The following C3 variants were observed in gnomAD, a reference collection of about 807,000 sequenced individuals.
The protein encoded by C3 is C3 and PZP-like alpha-2-macroglobulin domain-containing protein 1.
C3 carries 97 observed loss-of-function variants against 207.9 expected under a neutral mutation model. That is an observed-to-expected ratio of 0.47 (90% CI 0.40 to 0.55). The LOEUF (loss-of-function observed/expected upper bound fraction) is 0.55, where lower values mean the gene tolerates loss of function less well. Ranked by LOEUF, C3 falls within the 20% of genes least tolerant of loss-of-function variation. The pLI is 0.00. For missense variants in C3, 1,684 were observed against 2,171.7 expected, an observed-to-expected ratio of 0.78 and a Z score of 4.46; for synonymous variants, 848 against 857.6, an observed-to-expected ratio of 0.99 and a Z score of 0.20.
intron 23 of C3, 137 bp from the exon 24 acceptor site, chr19:6,694,771 G>T: frequency 1.4e-6 from 1 of 735,314 alleles, no homozygotes; most frequent in South Asian, 1.8e-5. Context: ...GGATGTGACT[G>T]CGGGGAGGGG....
intron 27 of C3, among the ~76,000 whole-genome samples, chr19:6,688,588 C>T (rs984080425): frequency 1.3e-5 from 2 of 151,484 alleles, no homozygotes; most frequent in East Asian, 1.9e-4. Flanking sequence ...GGCGCAATCT[C>T]GGCTCACTGC....
At position 6,686,283 on chromosome 19, in the gene C3, C is replaced by G. The variant is rs1335776422; in HGVS notation, c.3651G>C (p.Lys1217Asn). 2 of 1,613,990 alleles carry G rather than the reference C, an allele frequency of 1.2e-6. No individual in the cohort carries two copies. Among genetic ancestry groups the G allele is most frequent in the Non-Finnish European group, 1.7e-6 (2 of 1,180,032 alleles). ...LNKFLTTAKD[K>N]NRWEDPGKQL... ...GCTTACCAGGGTCCTCCCAGCGGTT[C>G]TTATCTGCAAAGAAGATACCCCATC... Residue 1217 changes from lysine (K) to asparagine (N), a missense_variant, in exon 29 of 41, where the codon AAG (lysine) becomes AAC (asparagine). Lys to Asn is a moderately conservative substitution (Grantham distance 94). This residue lies in a region of C3 where 1,280 missense variants were observed against 1,739.1 expected (regional missense o/e 0.74). Transcript: ENST00000245907.
At position 6,708,207 on chromosome 19, in the gene C3, G is replaced by A. The variant is rs1012657933; in HGVS notation, c.1846-278C>T. On this transcript the variant is annotated intron_variant, in intron 14 of 40. Coordinates refer to ENST00000245907, the MANE Select transcript of C3 (RefSeq NM_000064.4). ...GCTGGAGTGCAGTGGTGTGATCTCC[G>A]CTCACTGTAACCTCCAACTCCCAGG... Among the ~76,000 whole-genome samples, 6 of 151,850 alleles carry A rather than the reference G, an allele frequency of 4.0e-5. No homozygotes were observed. The East Asian group carries it at 7.8e-4, about 20-fold the overall frequency.
Position 6,686,734 on chromosome 19 carries a change from G to A in C3, c.3646+12C>T. The A allele has an allele frequency of 6.2e-7, 1 of 1,612,888 alleles. No homozygotes were observed. ...CATGCATCTCCCTTCACCCCTCCAG[G>A]CCAACCCTCACCTTTGGCTGTGGTC... On this transcript the variant is annotated intron_variant, in intron 28 of 40. Coordinates refer to ENST00000245907, the MANE Select transcript of C3 (RefSeq NM_000064.4).
chr19:6,691,989 A>AACACACACACAC (rs57940862), intron 26 of C3, among the ~76,000 whole-genome samples: 2 of 136,846 alleles, frequency 1.5e-5, no homozygotes, highest in African/African-American at 2.8e-5. Flanking sequence ...CTCCATCTCA[A>AACACACACACAC]ACACACACAC....
In C3 at chr19:6,697,010, C is replaced by T. The variant is rs536717826; in HGVS notation, c.2796+334G>A. 2.4e-4 allele frequency among the ~76,000 whole-genome samples: 34 copies of T among 141,564 alleles called. 2 individuals carry two copies. The South Asian group carries it at 6.9e-3, about 29-fold the overall frequency. 92.9% of individuals were successfully genotyped at this position (141,564 alleles called of 152,430 possible). On this transcript the variant is annotated intron_variant, in intron 21 of 40. Transcript: ENST00000245907. ...TGAGCTGAGATCGCGCCACTGCACT[C>T]CAGCCTGGGGAACAGAGTGAGACTC...
intron 14 of C3, 72 bp downstream of exon 14, chr19:6,709,612 C>A (rs1407219851): frequency 1.5e-4 from 90 of 613,946 alleles, no homozygotes; most frequent in East Asian, 3.0e-4. Context: ...CCTCTCCAGT[C>A]CCACCCACCT....
At chr19:6,717,981 C>G in intron 4 of C3, 113 bp downstream of exon 4, 4 of 1,002,638 alleles carry the variant, frequency 4.0e-6, no homozygotes, top group Non-Finnish European at 6.4e-6. Context: ...CTCTTTGCCT[C>G]TGTGTCTCTG....
intron 4 of C3, among the ~76,000 whole-genome samples, chr19:6,715,787 A>G (rs1968020930): frequency 7.0e-6 from 1 of 143,758 alleles, no homozygotes; most frequent in Admixed American, 6.8e-5. Flanking sequence ...ACGCCCAGCT[A>G]ATTTTTTTTT....
At chr19:6,680,337 A>G in intron 35 of C3, 74 bp from the exon 36 acceptor site, 1 of 814,128 alleles carries the variant, frequency 1.2e-6, no homozygotes, top group Non-Finnish European at 2.2e-6. Context: ...GAGCTGAGGC[A>G]GTGGTGGAGA....
rs1404843499 is a variant in C3 at position 6,679,159 on chromosome 19, C to T, written c.4596G>A (p.Arg1532=). ...CTCCTGGCTCACAGGCCTTGTCCAG[C>T]CGTTCTTCCAGGGTGACCTTGTCAT... ...KSDDKVTLEE[R]LDKACEPGVD... The change falls in exon 38 of 41, where the codon CGG becomes CGA. Residue 1532 remains arginine, a synonymous_variant. Coordinates refer to ENST00000245907, the MANE Select transcript of C3 (RefSeq NM_000064.4). 6.2e-7 allele frequency: 1 copy of T among 1,614,224 alleles called. No homozygotes were observed. Among genetic ancestry groups the T allele is most frequent in the African/African-American group, 1.3e-5 (1 of 75,052 alleles).
At position 6,709,738 on chromosome 19, in the gene C3, G is replaced by A. The variant is rs554851413; in HGVS notation, c.1791C>T (p.Ala597=). The A allele has an allele frequency of 8.1e-6, 13 of 1,613,682 alleles. No individual in the cohort carries two copies. Among genetic ancestry groups the A allele is most frequent in the South Asian group, 4.4e-5 (4 of 91,074 alleles). The change falls in exon 14 of 41, where the codon GCC becomes GCT. Residue 597 remains alanine (A), a synonymous_variant. Transcript: ENST00000245907. Reference sequence around the variant, plus strand: ...TCAGCACGAACACGCCCTTGTCCACGGCCACCAGTACCACCCGGGCCCCGT... The same window carrying A: ...TCAGCACGAACACGCCCTTGTCCACAGCCACCAGTACCACCCGGGCCCCGT... ...GDHGARVVLV[A]VDKGVFVLNK... is the part of the protein sequence containing the mutation.
In C3 at chr19:6,697,544, G is replaced by A; in HGVS notation, c.2596C>T (p.Leu866=). ...QNQELKVRVE[L]LHNPAFCSLA... ...CTGCAGAAGGCTGGATTGTGGAGTAGTTCCACCCTCACCTGCCAGGGAGAG... is the reference window on the plus strand; with the variant it reads ...CTGCAGAAGGCTGGATTGTGGAGTAATTCCACCCTCACCTGCCAGGGAGAG... Residue 866 remains leucine, a synonymous_variant, in exon 21 of 41, where the codon CTA becomes TTA. Transcript: ENST00000245907. 6.2e-7 allele frequency: 1 copy of A among 1,613,914 alleles called. No homozygotes were observed. Among genetic ancestry groups the A allele is most frequent in the Non-Finnish European group, 8.5e-7 (1 of 1,179,974 alleles).
At position 6,697,996 on chromosome 19, in the gene C3, T is replaced by C. The variant is rs1967575847; in HGVS notation, c.2441-202A>G. 7.8e-4 allele frequency among the ~76,000 whole-genome samples: 5 copies of C among 6,430 alleles called. No homozygotes were observed. In the South Asian group the frequency reaches 0.029, roughly 37 times the overall value. 4.2% of individuals were successfully genotyped at this position (6,430 alleles called of 152,430 possible). A position where few individuals can be genotyped will look rare whatever the true frequency, so the allele number is the denominator to read the frequency against. ...GGCTGGGAGTTACCATTATTTATTA[T>C]TATTATTATTATTATTATTATTATT... On this transcript the variant is annotated intron_variant, in intron 19 of 40. Coordinates refer to ENST00000245907, the MANE Select transcript of C3 (RefSeq NM_000064.4).
At chr19:6,706,692 G>T (rs1171831179) in intron 17 of C3, among the ~76,000 whole-genome samples, 7 of 100,860 alleles carry the variant, frequency 6.9e-5, no homozygotes, top group African/African-American at 2.8e-4. Flanking sequence ...CCGAGACAGA[G>T]GCCTCCTCCT....
Position 6,719,188 on chromosome 19 carries a change from G to C in C3, c.267+23C>G. The C allele has an allele frequency of 6.2e-7, 1 of 1,610,160 alleles. No homozygotes were observed. The highest frequency in any genetic ancestry group is 8.5e-7 in the Non-Finnish European group (1 of 1,176,544). On this transcript the variant is annotated intron_variant, in intron 2 of 40. Coordinates refer to ENST00000245907, the MANE Select transcript of C3 (RefSeq NM_000064.4). This position sits in a 1 kb window ranked among gnomAD's most constrained non-coding sequence, Gnocchi z 5.4. ...GGGCGTGGCTGTGGGTGTCAGCCGG[G>C]TCCTGCGCCAGTCTGCACTCACCGT...
chr19:6,697,061 T>TAAAAA (rs1344751717), intron 21 of C3, among the ~76,000 whole-genome samples: 1 of 76,542 alleles, frequency 1.3e-5, no homozygotes, highest in Non-Finnish European at 2.6e-5. Context: ...AACAAACAAA[T>TAAAAA]AAATAAATAA....
intron 4 of C3, chr19:6,716,702 C>T (rs947448852): frequency 6.6e-5 from 10 of 152,304 alleles, no homozygotes; most frequent in Admixed American, 1.3e-4. Flanking sequence ...CATAACAATT[C>T]CTTCCTGGAG....
At chr19:6,709,611 T>TGGCCCCCCCCCCCCCCCCCC in intron 14 of C3, 73 bp downstream of exon 14, 1 of 1,109,444 alleles carries the variant, frequency 9.0e-7, no homozygotes. Context: ...CCCTCTCCAG[T>TGGCCCCCCCCCCCCCCCCCC]CCCACCCACC....
Sources: gnomAD v4.1 joint callset for allele counts (sites outside exome capture counted in the v4.1 genomes callset) on GRCh38, gnomAD v4.1.1 for gene constraint, gnomAD v4.1.1 regional missense constraint, Gnocchi (gnomAD v3.1) non-coding constraint, MANE v1.5 for transcripts, NCBI Gene and HGNC (gene_info 2026-07-23, HGNC 2026-07-21) for gene names.